BRINP1: variants seen among roughly 807,000 people sequenced by gnomAD.
The protein encoded by BRINP1 is BMP/retinoic acid-inducible neural-specific protein 1.
In BRINP1, 17 loss-of-function variants were observed where a neutral mutation model predicts 72.9. The ratio of observed to expected loss-of-function variants is 0.23; its 90% CI spans 0.16 to 0.35. The LOEUF is 0.35. BRINP1 is among the 10% of genes least tolerant of loss of function. The pLI is 1.00. For missense variants in BRINP1, 850 were observed against 1,001.6 expected (o/e 0.85, Z 2.04); for synonymous variants, 418 against 378.5 (o/e 1.10, Z -1.21).
intron 7 of BRINP1, among the ~76,000 whole-genome samples, chr9:119,183,012 G>T (rs188647553): frequency 6.6e-6 from 1 of 152,140 alleles, no homozygotes; most frequent in African/African-American, 2.4e-5. Flanking sequence ...TAAAAAGAAG[G>T]TAAGCACTAA....
chr9:119,205,505 G>A (rs936510626), intron 7 of BRINP1, among the ~76,000 whole-genome samples: 1 of 152,182 alleles, frequency 6.6e-6, no homozygotes. Flanking sequence ...ATTCAAAGAT[G>A]CAGACACCTG....
chr9:119,366,503 CGTGTGTGTGTGTGTGTGTGTGTGTGTGT>C lies in BRINP1; in HGVS notation c.-51+2525_-51+2552del, dbSNP rs3983901. Among the ~76,000 whole-genome samples the C allele has an allele frequency of 2.2e-3, 305 of 136,312 alleles. 9 individuals are homozygous for C. Among genetic ancestry groups the C allele is most frequent in the African/African-American group, 6.9e-3 (247 of 35,628 alleles). The allele number at this position is 136,312 out of a possible 152,430, so 89.4% of individuals were successfully genotyped here. On this transcript the variant is annotated intron_variant, in intron 1 of 7. Coordinates refer to ENST00000265922, the MANE Select transcript of BRINP1 (RefSeq NM_014618.3). ...TCTCTCTCAGTCCTCCCCCCACCAC[CGTGTGTGTGTGTGTGTGTGTGTGTGTGT>C]GTGTGTGTGTGTGTGTGTGTGTGTG...
chr9:119,181,890 G>C (rs1829562131), intron 7 of BRINP1, among the ~76,000 whole-genome samples: 1 of 152,174 alleles, frequency 6.6e-6, no homozygotes, highest in Admixed American at 6.5e-5. Context: ...CTCAACTACA[G>C]AATGGAATAA....
chr9:119,167,899 G>C lies in BRINP1; in HGVS notation c.1471C>G (p.Leu491Val), dbSNP rs780773352. 6.2e-7 allele frequency: 1 copy of C among 1,614,238 alleles called. No individual in the cohort carries two copies. Among genetic ancestry groups the C allele is most frequent in the Non-Finnish European group, 8.5e-7 (1 of 1,180,044 alleles). The change falls in exon 8 of 8, where the codon CTG becomes GTG. Residue 491 changes from leucine (L) to valine (V), a missense_variant. Leu to Val is a conservative substitution (Grantham distance 32). Transcript: ENST00000265922. This position sits in a 1 kb window ranked among gnomAD's most constrained non-coding sequence, Gnocchi z 4.3. ...AGGCGTGAGTCCATCTTCTGCAGCA[G>C]GTACTTCAGCTCCAGGTCCTGGAAG... is the stretch of plus-strand genomic sequence containing the variant. ...LDFQDLELKY[L>V]LQKMDSRLYV... is the part of the protein sequence containing the mutation.
chr9:119,348,465 G>A (rs1450014595), intron 1 of BRINP1, among the ~76,000 whole-genome samples: 11 of 152,144 alleles, frequency 7.2e-5, no homozygotes. Flanking sequence ...AACATCTTTG[G>A]TAAATGTCAA....
chr9:119,277,616 A>AC (rs1830670048), intron 2 of BRINP1, among the ~76,000 whole-genome samples: 1 of 152,236 alleles, frequency 6.6e-6, no homozygotes, highest in Admixed American at 6.5e-5. Context: ...ATAAATGCCA[A>AC]AGCCATTTAT....
intron 5 of BRINP1, among the ~76,000 whole-genome samples, chr9:119,233,474 A>G (rs543602059): frequency 2.6e-5 from 4 of 152,334 alleles, no homozygotes; most frequent in African/African-American, 9.6e-5. Context: ...CACTGAAAAA[A>G]ATAATATCTA....
chr9:119,265,051 G>A (rs1189871761), intron 2 of BRINP1, among the ~76,000 whole-genome samples: 1 of 152,112 alleles, frequency 6.6e-6, no homozygotes, highest in Non-Finnish European at 1.5e-5. Context: ...CCATCCAAAT[G>A]TACAAACACA....
intron 2 of BRINP1, among the ~76,000 whole-genome samples, chr9:119,292,543 A>C (rs558502423): frequency 1.3e-5 from 2 of 152,342 alleles, no homozygotes; most frequent in South Asian, 4.1e-4. Context: ...TAAACGAATG[A>C]ATGAAAACAA....
At position 119,177,106 on chromosome 9, in the gene BRINP1, G is replaced by C. The variant is rs555553183; in HGVS notation, c.1146-8882C>G. On this transcript the variant is annotated intron_variant, in intron 7 of 7. Coordinates refer to ENST00000265922, the MANE Select transcript of BRINP1 (RefSeq NM_014618.3). ...CTGGCTCTACAAATGCTTGCTGAGT[G>C]AATCAATGTTTGATGAATGAATGCA... Among the ~76,000 whole-genome samples, 63 of 152,240 alleles carry C rather than the reference G, an allele frequency of 4.1e-4. 1 individual carries two copies. In the South Asian group the frequency reaches 0.013, roughly 31 times the overall value.
intron 7 of BRINP1, among the ~76,000 whole-genome samples, chr9:119,199,171 G>T (rs1178415640): frequency 1.3e-5 from 2 of 152,028 alleles, no homozygotes; most frequent in African/African-American, 4.8e-5. Flanking sequence ...ACAGAGCCGG[G>T]ACTGTCAGTC....
intron 7 of BRINP1, among the ~76,000 whole-genome samples, chr9:119,180,411 C>G (rs972326345): frequency 6.6e-6 from 1 of 151,968 alleles, no homozygotes; most frequent in Non-Finnish European, 1.5e-5. Flanking sequence ...AGAAGACAAA[C>G]AGTTGTTTTT....
intron 3 of BRINP1, among the ~76,000 whole-genome samples, chr9:119,242,686 G>A (rs1345863967): frequency 1.4e-5 from 2 of 139,618 alleles, no homozygotes; most frequent in African/African-American, 6.2e-5. Context: ...CCCTCCCCCT[G>A]ATCTTTTCTT....
At chr9:119,179,021 T>C (rs556309227) in intron 7 of BRINP1, among the ~76,000 whole-genome samples, 1 of 152,052 alleles carries the variant, frequency 6.6e-6, no homozygotes, top group Non-Finnish European at 1.5e-5. Flanking sequence ...GACAAGTGCA[T>C]AGGGGGATGC....
intron 3 of BRINP1, among the ~76,000 whole-genome samples, chr9:119,247,548 G>C (rs1267531885): frequency 6.6e-6 from 1 of 151,722 alleles, no homozygotes; most frequent in African/African-American, 2.4e-5. Flanking sequence ...CCAGCTGCTC[G>C]GCGGGCTGAG....
intron 7 of BRINP1, among the ~76,000 whole-genome samples, chr9:119,187,581 C>T (rs920645845): frequency 6.6e-6 from 1 of 150,620 alleles, no homozygotes; most frequent in Non-Finnish European, 1.5e-5. Flanking sequence ...TCTATGAGAG[C>T]TATTCTATAA....
Position 119,242,175 on chromosome 9 carries a change from C to A in BRINP1, c.451G>T (p.Asp151Tyr), listed in dbSNP as rs763882375. 1 of 1,613,972 alleles carries A rather than the reference C, an allele frequency of 6.2e-7. No homozygotes were observed. Among genetic ancestry groups the A allele is most frequent in the Non-Finnish European group, 8.5e-7 (1 of 1,180,034 alleles). Residue 151 changes from aspartate (D) to tyrosine (Y), a missense_variant, in exon 4 of 8, where the codon GAC becomes TAC. Asp to Tyr is a radical substitution (Grantham distance 160, BLOSUM62 -3). Transcript: ENST00000265922. ...TGAGTGGCATTCCCTGACTTCCTGT[C>A]GAGGCGACTTTTGTCCATATACATG... ...LTMYMDKSRL[D>Y]RKSGNATQSV...
intron 2 of BRINP1, among the ~76,000 whole-genome samples, chr9:119,253,201 T>C (rs1401736781): frequency 6.6e-6 from 1 of 152,140 alleles, no homozygotes; most frequent in Non-Finnish European, 1.5e-5. Context: ...ATGTACAATA[T>C]GGAGGTTCCT....
chr9:119,200,636 G>GAAAAAAAAA (rs774466695), intron 7 of BRINP1, among the ~76,000 whole-genome samples: 2 of 121,206 alleles, frequency 1.7e-5, no homozygotes, highest in Non-Finnish European at 1.7e-5. Context: ...GAAAAAAAAA[G>GAAAAAAAAA]AAAAAAAAAA....
Sources: gnomAD v4.1 joint callset for allele counts (sites outside exome capture counted in the v4.1 genomes callset) on GRCh38, gnomAD v4.1.1 for gene constraint, Gnocchi (gnomAD v3.1) non-coding constraint, MANE v1.5 for transcripts, NCBI Gene and HGNC (gene_info 2026-07-23, HGNC 2026-07-21) for gene names.